The following AP4E1 variants were observed in gnomAD, a reference collection of about 807,000 sequenced individuals.
The protein encoded by AP4E1 is adaptor related protein complex 4 subunit epsilon 1, also known as AP-4 complex subunit epsilon-1.
A neutral mutation model predicts 128.2 loss-of-function variants in AP4E1; 56 were observed. The observed-to-expected ratio is 0.44, with a 90% CI of 0.35 to 0.55. The LOEUF (loss-of-function observed/expected upper bound fraction) is 0.55, where lower values mean the gene tolerates loss of function less well. AP4E1 is among the 20% of genes least tolerant of loss of function. The pLI, the probability that AP4E1 is intolerant of heterozygous loss-of-function variation, is 0.00. For missense variants in AP4E1, 1,324 were observed against 1,307.7 expected, an observed-to-expected ratio of 1.01 and a Z score of -0.19; for synonymous variants, 484 against 473.1, an observed-to-expected ratio of 1.02 and a Z score of -0.30.
chr15:50,915,074 C>G (rs1252121780), intron 2 of AP4E1, among the ~76,000 whole-genome samples: 2 of 152,140 alleles, frequency 1.3e-5, no homozygotes, highest in African/African-American at 4.8e-5. Context: ...TTGACAAAGT[C>G]TACTAAAATT....
At chr15:50,962,843 A>G (rs2064334051) in intron 14 of AP4E1, among the ~76,000 whole-genome samples, 1 of 149,784 alleles carries the variant, frequency 6.7e-6, no homozygotes, top group African/African-American at 2.5e-5. Flanking sequence ...AATATTTACA[A>G]ACAAGGGACT....
chr15:50,928,983 G>T (rs2063799072), intron 5 of AP4E1, 26 bp from the exon 6 acceptor site: 2 of 1,611,806 alleles, frequency 1.2e-6, no homozygotes, highest in Admixed American at 1.7e-5. Flanking sequence ...AGATTGTCTT[G>T]TTTAAATTTC....
Position 51,002,656 on chromosome 15 carries a change from A to G in AP4E1, c.3408A>G (p.Gly1136=). Residue 1136 remains glycine, a synonymous_variant, in exon 21 of 21, where the codon GGA becomes GGG. Transcript: ENST00000261842. ...ATCAGTGTCAAAAGGTGATGGAGGG[A>G]TCCTAGCAGAAGCCCTGCTAAATTT... ...LLYQCQKVME[G]S The G allele has an allele frequency of 1.2e-6, 2 of 1,614,062 alleles. No homozygotes were observed. Among genetic ancestry groups the G allele is most frequent in the Non-Finnish European group, 1.7e-6 (2 of 1,179,958 alleles).
At chr15:50,977,969 A>G (rs1334835526) in intron 15 of AP4E1, among the ~76,000 whole-genome samples, 1 of 152,086 alleles carries the variant, frequency 6.6e-6, no homozygotes, top group Non-Finnish European at 1.5e-5. Context: ...TCTGCCTCCA[A>G]AAATTCTGGG....
chr15:50,953,288 A>G (rs1449002878), intron 13 of AP4E1, among the ~76,000 whole-genome samples: 1 of 151,664 alleles, frequency 6.6e-6, no homozygotes, highest in Non-Finnish European at 1.5e-5. Flanking sequence ...CTTAATTTAG[A>G]TTGTCTTTTA....
chr15:50,940,955 A>G (rs1234532782), intron 8 of AP4E1, among the ~76,000 whole-genome samples: 1 of 152,208 alleles, frequency 6.6e-6, no homozygotes, highest in East Asian at 1.9e-4. Flanking sequence ...TTATGTTGAA[A>G]TAAACTACAT....
At chr15:50,964,710 A>G (rs1230565300) in intron 14 of AP4E1, among the ~76,000 whole-genome samples, 1 of 151,688 alleles carries the variant, frequency 6.6e-6, no homozygotes, top group African/African-American at 2.4e-5. Flanking sequence ...ACAGTAGTAT[A>G]TTTTCCAGAT....
At chr15:50,990,826 C>T (rs956647961) in intron 16 of AP4E1, among the ~76,000 whole-genome samples, 1 of 152,130 alleles carries the variant, frequency 6.6e-6, no homozygotes, top group African/African-American at 2.4e-5. Context: ...CCTTTTGTAC[C>T]TCCTGCCCCT....
intron 3 of AP4E1, among the ~76,000 whole-genome samples, chr15:50,920,748 C>T (rs7181222): frequency 4.6e-5 from 7 of 152,058 alleles, no homozygotes; most frequent in Admixed American, 4.6e-4. Context: ...CTCATCCACT[C>T]CTGAATTTTA....
At chr15:50,945,265 T>C in intron 10 of AP4E1, 1 of 783,982 alleles carries the variant, frequency 1.3e-6, no homozygotes, top group East Asian at 2.4e-5. Flanking sequence ...GTAAGTAGTG[T>C]TAAATTTAAC....
At chr15:50,992,503 T>C (rs547914993) in intron 16 of AP4E1, among the ~76,000 whole-genome samples, 2 of 152,336 alleles carry the variant, frequency 1.3e-5, no homozygotes, top group Admixed American at 6.5e-5. Flanking sequence ...TTGGCTATTT[T>C]AGCCCGCACT....
chr15:50,983,882 T>G (rs1422497459), intron 15 of AP4E1, 140 bp from the exon 16 acceptor site: 5 of 736,226 alleles, frequency 6.8e-6, no homozygotes, highest in Non-Finnish European at 1.1e-5. Flanking sequence ...AAGTATTTGA[T>G]TAGATCATCC....
In AP4E1 at chr15:51,000,893, G is replaced by A. The variant is rs1035400742; in HGVS notation, c.3096-133G>A. 7.1e-6 allele frequency: 5 copies of A among 707,052 alleles called. No individual in the cohort carries two copies. The African/African-American group carries it at 9.0e-5, about 13-fold the overall frequency. 43.8% of individuals were successfully genotyped at this position (707,052 alleles called of 1,614,324 possible). On this transcript the variant is annotated intron_variant, in intron 19 of 20. Transcript: ENST00000261842. ...ATACTAACCATTTTTAGCATATTTGGTTTAAAGACATAAATCTTATGGGAC... is the reference window on the plus strand; with the variant it reads ...ATACTAACCATTTTTAGCATATTTGATTTAAAGACATAAATCTTATGGGAC...
chr15:50,936,519 CCT>C (rs1179026425), intron 8 of AP4E1, among the ~76,000 whole-genome samples: 6 of 151,980 alleles, frequency 3.9e-5, no homozygotes, highest in African/African-American at 1.5e-4. Flanking sequence ...TCCTTTCCAC[CCT>C]TATCACCCAC....
rs558485167 is a variant in AP4E1 at position 50,969,935 on chromosome 15, C to T, written c.1966+1558C>T. 1.1e-4 allele frequency among the ~76,000 whole-genome samples: 17 copies of T among 152,200 alleles called. No homozygotes were observed. The East Asian group carries it at 2.7e-3, about 24-fold the overall frequency. On this transcript the variant is annotated intron_variant, in intron 15 of 20. Transcript: ENST00000261842. Reference sequence around the variant, plus strand: ...TGGCCTCCCAAAGTGCTGGGACTACCGGCGTGAGCCACCATGCCCGGCCAC... The same window carrying T: ...TGGCCTCCCAAAGTGCTGGGACTACTGGCGTGAGCCACCATGCCCGGCCAC...
rs369028190 is a variant in AP4E1, at chr15:50,949,934, G to T, written c.1425G>T (p.Ala475=). 8.1e-6 allele frequency: 13 copies of T among 1,610,398 alleles called. No individual in the cohort carries two copies. In the African/African-American group the frequency reaches 1.5e-4, roughly 18 times the overall value. ...DIPNNFLRLL[A]EGFDDETEDQ... ...CCAATAACTTTCTGAGACTACTAGC[G>T]GAAGGTTGGTACACTATTATATTCT... is the stretch of plus-strand genomic sequence containing the variant. The change falls in exon 12 of 21, where the codon GCG becomes GCT. Residue 475 remains alanine, a synonymous_variant. Coordinates refer to ENST00000261842, the MANE Select transcript of AP4E1 (RefSeq NM_007347.5).
At chr15:50,934,214 GA>G (rs750316986) in intron 7 of AP4E1, among the ~76,000 whole-genome samples, 45 of 152,008 alleles carry the variant, frequency 3.0e-4, no homozygotes, top group Non-Finnish European at 5.9e-4. Context: ...ACTAGTATTT[GA>G]AAACTTTTTC....
chr15:50,956,967 T>C (rs11633226), intron 13 of AP4E1, among the ~76,000 whole-genome samples: 1 of 152,022 alleles, frequency 6.6e-6, no homozygotes, highest in Non-Finnish European at 1.5e-5. Flanking sequence ...AGTGAGTCGC[T>C]TTTGGGCTCT....
chr15:50,998,128 A>T (rs2064906080), intron 18 of AP4E1, among the ~76,000 whole-genome samples: 1 of 152,146 alleles, frequency 6.6e-6, no homozygotes, highest in South Asian at 2.1e-4. Flanking sequence ...TTTCTTCCCT[A>T]GCTCTAACAG....
Sources: gnomAD v4.1 joint callset for allele counts (sites outside exome capture counted in the v4.1 genomes callset) on GRCh38, gnomAD v4.1.1 for gene constraint, MANE v1.5 for transcripts, NCBI Gene and HGNC (gene_info 2026-07-23, HGNC 2026-07-21) for gene names.